Variants in AHCY observed in about 807,000 individuals in gnomAD.
AHCY encodes the protein adenosylhomocysteinase, also known as S-adenosyl-L-homocysteine hydrolase.
A neutral mutation model predicts 45.4 loss-of-function variants in AHCY; 24 were observed. The ratio of observed to expected loss-of-function variants is 0.53; its 90% CI spans 0.38 to 0.74. The LOEUF is 0.74. Among genes scored for constraint, AHCY ranks in the 30% least tolerant of loss-of-function variants. The pLI, the probability that AHCY is intolerant of heterozygous loss-of-function variation, is 0.00. For missense variants in AHCY, 449 were observed against 594.1 expected (o/e 0.76, Z 2.54); for synonymous variants, 245 against 235.1 (o/e 1.04, Z -0.39).
At chr20:34,270,469 T>C in the AHCY span, among the ~76,000 whole-genome samples, 2 of 152,262 alleles carry the variant, frequency 1.3e-5, no homozygotes, top group Non-Finnish European at 2.9e-5. Flanking sequence ...AAATGTCATA[T>C]TGGGAAGATA....
chr20:34,272,802 T>A, the AHCY span, among the ~76,000 whole-genome samples: 2 of 152,178 alleles, frequency 1.3e-5, no homozygotes, highest in South Asian at 2.1e-4. Context: ...GAGGATCGCT[T>A]GAGCCCAGGA....
chr20:34,235,891 AAGGAAGGAAAGG>A, the AHCY span, among the ~76,000 whole-genome samples: 172 of 97,624 alleles, frequency 1.8e-3, 14 homozygotes, highest in South Asian at 5.7e-3. Context: ...GGAAGGAAGG[AAGGAAGGAAAGG>A]AAGGAAGGAA....
At chr20:34,257,493 CAA>C in the AHCY span, among the ~76,000 whole-genome samples, 1 of 152,030 alleles carries the variant, frequency 6.6e-6, no homozygotes, top group African/African-American at 2.4e-5. Flanking sequence ...AAATTAAAAA[CAA>C]TATTGCTTTT....
intron 9 of AHCY, among the ~76,000 whole-genome samples, chr20:34,284,613 G>A (rs772525008): frequency 3.9e-5 from 6 of 152,074 alleles, no homozygotes; most frequent in Non-Finnish European, 8.8e-5. Flanking sequence ...TTGAAATCAG[G>A]AGTTCGAGAC....
chr20:34,271,727 G>A, the AHCY span, among the ~76,000 whole-genome samples: 6 of 152,068 alleles, frequency 3.9e-5, no homozygotes. Context: ...CAACACACCA[G>A]CTAATTTTTG....
chr20:34,235,870 G>GA, the AHCY span, among the ~76,000 whole-genome samples: 407 of 28,844 alleles, frequency 0.014, 9 homozygotes, highest in South Asian at 0.063. Flanking sequence ...GGAAGGAAAG[G>GA]AAGGAAGGAA....
At position 34,281,171 on chromosome 20, in the gene AHCY, G is replaced by T. The variant is rs1424982411; in HGVS notation, c.1168-6C>A. On this transcript the variant is annotated splice_polypyrimidine_tract_variant and splice_region_variant and intron_variant, in intron 9 of 9. Coordinates refer to ENST00000217426, the MANE Select transcript of AHCY (RefSeq NM_000687.4). ...TCAGCCACTGCCTCATCCAGCTGGG[G>T]AGAAACAAAGGAAGACCGGGAATCA... The T allele has an allele frequency of 6.2e-7, 1 of 1,612,640 alleles. No individual in the cohort carries two copies. The highest frequency in any genetic ancestry group is 1.3e-5 in the African/African-American group (1 of 74,900).
chr20:34,283,182 G>C (rs1003290632), intron 9 of AHCY, among the ~76,000 whole-genome samples: 1 of 152,008 alleles, frequency 6.6e-6, no homozygotes, highest in Non-Finnish European at 1.5e-5. Flanking sequence ...GACTAGCCCA[G>C]AACTTTTCCT....
chr20:34,233,061 G>A, the AHCY span, among the ~76,000 whole-genome samples: 1 of 149,254 alleles, frequency 6.7e-6, no homozygotes, highest in South Asian at 2.1e-4. Flanking sequence ...CCCAGTAGCT[G>A]TAACTTCACC....
chr20:34,264,593 T>C, the AHCY span, among the ~76,000 whole-genome samples: 1 of 152,148 alleles, frequency 6.6e-6, no homozygotes, highest in African/African-American at 2.4e-5. Context: ...ATTGATACTA[T>C]AGGTTGAGGT....
intron 1 of AHCY, among the ~76,000 whole-genome samples, chr20:34,298,429 A>G (rs1156473719): frequency 6.6e-6 from 1 of 152,100 alleles, no homozygotes; most frequent in Non-Finnish European, 1.5e-5. Flanking sequence ...TGTGACCAGA[A>G]GACAAGAGTG....
At chr20:34,292,625 C>T in intron 3 of AHCY, 118 bp from the exon 4 acceptor site, 2 of 1,460,246 alleles carry the variant, frequency 1.4e-6, no homozygotes, top group Non-Finnish European at 9.5e-7. Flanking sequence ...CCACCTCCGG[C>T]CCCTCTGAAA....
chr20:34,293,503 G>A, intron 3 of AHCY: 2 of 170,070 alleles, frequency 1.2e-5, no homozygotes, highest in South Asian at 1.4e-4. Flanking sequence ...TGCCAAGGCT[G>A]AGGAATGGGG....
the AHCY span, chr20:34,260,607 T>TA: frequency 6.8e-7 from 1 of 1,460,176 alleles, no homozygotes; most frequent in Non-Finnish European, 9.2e-7. Flanking sequence ...CCCAGGGTGC[T>TA]ACCAGGATCC....
chr20:34,269,945 TTAAAAAAAAAAAA>T, the AHCY span, among the ~76,000 whole-genome samples: 1 of 38,104 alleles, frequency 2.6e-5, no homozygotes, highest in Admixed American at 3.5e-4. Flanking sequence ...AAACTCTGTC[TTAAAAAAAAAAAA>T]AAAAAAAAAA....
At chr20:34,269,301 A>G in the AHCY span, 1 of 1,164,880 alleles carries the variant, frequency 8.6e-7, no homozygotes, top group African/African-American at 1.7e-5. Context: ...CTTCAGGGAG[A>G]CCTGGCTTGG....
the AHCY span, among the ~76,000 whole-genome samples, chr20:34,258,969 T>C: frequency 2.1e-5 from 3 of 145,190 alleles, no homozygotes; most frequent in Admixed American, 2.2e-4. Flanking sequence ...TTGGGAGGCT[T>C]AGGTGGGAGG....
the AHCY span, among the ~76,000 whole-genome samples, chr20:34,251,315 G>A: frequency 6.6e-6 from 1 of 151,310 alleles, no homozygotes; most frequent in Non-Finnish European, 1.5e-5. Flanking sequence ...CCGTCGCCCA[G>A]GCTGGAGTGC....
intron 9 of AHCY, among the ~76,000 whole-genome samples, chr20:34,283,554 A>G (rs542827160): frequency 6.6e-6 from 1 of 152,198 alleles, no homozygotes; most frequent in Non-Finnish European, 1.5e-5. Context: ...TGGTAAGGAC[A>G]GGGTCAGGTG....
Sources: allele counts gnomAD v4.1 joint callset (sites outside exome capture counted in the v4.1 genomes callset), GRCh38; gene constraint gnomAD v4.1.1; transcripts MANE v1.5; gene names NCBI Gene and HGNC (gene_info 2026-07-23, HGNC 2026-07-21).